Variants in AGTR1 observed in about 807,000 individuals in gnomAD.
AGTR1 encodes angiotensin II receptor type 1.
AGTR1 carries 16 observed loss-of-function variants against 19.4 expected under a neutral mutation model. The observed-to-expected ratio is 0.82, with a 90% CI of 0.56 to 1.25. The LOEUF is 1.25. Ranked by LOEUF, AGTR1 falls within the 50% of genes most tolerant of loss-of-function variation. The pLI is 0.00. For synonymous variants in AGTR1, 153 were observed against 154.9 expected (o/e 0.99, Z 0.09); for missense variants, 373 against 431.9 (o/e 0.86, Z 1.21).
At chr3:148,726,499 G>A (rs1017841275) in intron 2 of AGTR1, among the ~76,000 whole-genome samples, 3 of 152,164 alleles carry the variant, frequency 2.0e-5, no homozygotes, top group Admixed American at 2.0e-4. Context: ...GAGCCAACAT[G>A]CCTGGCCTGC....
chr3:148,732,731 T>A (rs993685396), intron 2 of AGTR1, among the ~76,000 whole-genome samples: 21 of 76,970 alleles, frequency 2.7e-4, no homozygotes, highest in East Asian at 5.5e-4. Context: ...CTTCGGAAAA[T>A]TTTTTTTTTT....
At chr3:148,703,871 T>C (rs1712501177) in intron 1 of AGTR1, among the ~76,000 whole-genome samples, 1 of 152,196 alleles carries the variant, frequency 6.6e-6, no homozygotes. Flanking sequence ...TTTGATCTAA[T>C]GTTTTCCTGT....
At chr3:148,729,108 C>A (rs1714110454) in intron 2 of AGTR1, among the ~76,000 whole-genome samples, 1 of 152,168 alleles carries the variant, frequency 6.6e-6, no homozygotes, top group Non-Finnish European at 1.5e-5. Flanking sequence ...TAGTTCAGGA[C>A]AAGTGGAGTC....
intron 2 of AGTR1, chr3:148,730,398 A>G (rs1001326892): frequency 2.6e-6 from 1 of 384,606 alleles, no homozygotes; most frequent in African/African-American, 2.1e-5. Flanking sequence ...CCTGAATTAT[A>G]GGAATTTCAG....
At chr3:148,700,303 T>C (rs1304540587) in intron 1 of AGTR1, among the ~76,000 whole-genome samples, 3 of 152,214 alleles carry the variant, frequency 2.0e-5, no homozygotes, top group Non-Finnish European at 4.4e-5. Flanking sequence ...AAGTTTACTC[T>C]GCTACTTACC....
chr3:148,740,995 T>G lies in AGTR1; in HGVS notation c.-41T>G, dbSNP rs1349409162. The G allele has an allele frequency of 6.2e-7, 1 of 1,611,620 alleles. No homozygotes were observed. The highest frequency in any genetic ancestry group is 1.3e-5 in the African/African-American group (1 of 74,894). ...TTATTTTTATTTTCCCCAGGTGTAT[T>G]TGATATAGTGTTTGCAACAAATTCG... On this transcript the variant is annotated 5_prime_UTR_variant, in exon 3 of 3. It adds an upstream start codon to the 5' untranslated region. Coordinates refer to ENST00000349243, the MANE Select transcript of AGTR1 (RefSeq NM_000685.5).
chr3:148,739,925 C>A (rs552378161), intron 2 of AGTR1: 18 of 1,231,880 alleles, frequency 1.5e-5, no homozygotes, highest in Non-Finnish European at 1.7e-5. Context: ...CAATGCTGAC[C>A]TTCACCTCAG....
intron 2 of AGTR1, among the ~76,000 whole-genome samples, chr3:148,727,915 G>A (rs2107956817): frequency 6.6e-6 from 1 of 152,218 alleles, no homozygotes; most frequent in South Asian, 2.1e-4. Flanking sequence ...TTGACATTTT[G>A]GATTAGATAA....
intron 2 of AGTR1, among the ~76,000 whole-genome samples, chr3:148,732,906 A>G (rs986203567): frequency 6.7e-6 from 1 of 149,878 alleles, no homozygotes; most frequent in East Asian, 2.1e-4. Flanking sequence ...ACGCCCGGCT[A>G]ATTTTTTGTA....
intron 1 of AGTR1, among the ~76,000 whole-genome samples, chr3:148,705,319 C>T (rs1486826446): frequency 6.6e-6 from 1 of 152,166 alleles, no homozygotes; most frequent in African/African-American, 2.4e-5. Flanking sequence ...TTCCTTCACA[C>T]TTACAATTTC....
At chr3:148,726,733 G>A (rs1713965716) in intron 2 of AGTR1, among the ~76,000 whole-genome samples, 1 of 152,000 alleles carries the variant, frequency 6.6e-6, no homozygotes, top group African/African-American at 2.4e-5. Context: ...AAGCTCTGAT[G>A]TTCTCAATGA....
chr3:148,710,789 G>A (rs1342180865), intron 2 of AGTR1, among the ~76,000 whole-genome samples: 3 of 152,136 alleles, frequency 2.0e-5, no homozygotes, highest in Admixed American at 6.5e-5. Flanking sequence ...TGTGTTGGAG[G>A]TGGGGCCTGG....
chr3:148,730,149 G>T, intron 2 of AGTR1: 1 of 398,118 alleles, frequency 2.5e-6, no homozygotes, highest in South Asian at 1.3e-4. Context: ...TCCTCATCGT[G>T]AACATTATTA....
chr3:148,710,839 T>C (rs1412837749), intron 2 of AGTR1, among the ~76,000 whole-genome samples: 1 of 152,120 alleles, frequency 6.6e-6, no homozygotes. Context: ...CTCTCATGAA[T>C]GGCTTGGTGC....
chr3:148,735,274 A>G (rs772688251), intron 2 of AGTR1, among the ~76,000 whole-genome samples: 2 of 152,210 alleles, frequency 1.3e-5, no homozygotes, highest in African/African-American at 2.4e-5. Flanking sequence ...GCAAATATAT[A>G]GTATCTGCAA....
chr3:148,722,958 G>A (rs1014125825), intron 2 of AGTR1, among the ~76,000 whole-genome samples: 3 of 152,166 alleles, frequency 2.0e-5, no homozygotes, highest in South Asian at 2.1e-4. Context: ...TCCTTGTACA[G>A]AGTTTGAAAT....
intron 2 of AGTR1, among the ~76,000 whole-genome samples, chr3:148,710,735 T>G (rs1322083362): frequency 6.6e-6 from 1 of 152,172 alleles, no homozygotes; most frequent in Non-Finnish European, 1.5e-5. Flanking sequence ...CTGATAAGGT[T>G]TGGATATTTG....
chr3:148,700,437 T>A (rs987726465), intron 1 of AGTR1, among the ~76,000 whole-genome samples: 2 of 151,972 alleles, frequency 1.3e-5, no homozygotes, highest in Admixed American at 1.3e-4. Flanking sequence ...TAACTGAGAG[T>A]TGCTGTATTT....
intron 2 of AGTR1, among the ~76,000 whole-genome samples, chr3:148,737,695 G>A (rs551881071): frequency 3.3e-5 from 5 of 152,024 alleles, no homozygotes; most frequent in East Asian, 1.9e-4. Context: ...TGTTTCTATC[G>A]CCTAAAATTC....
Sources: gnomAD v4.1 joint callset for allele counts (sites outside exome capture counted in the v4.1 genomes callset) on GRCh38, gnomAD v4.1.1 for gene constraint, MANE v1.5 for transcripts, NCBI Gene and HGNC (gene_info 2026-07-23, HGNC 2026-07-21) for gene names.